Variants in DNAH8 observed in about 807,000 individuals in gnomAD.
DNAH8 encodes dynein axonemal heavy chain 8, also known as axonemal beta dynein heavy chain 8.
Under a neutral mutation model 562.1 loss-of-function variants are expected in DNAH8, and 382 were observed. The observed-to-expected ratio is 0.68, with a 90% CI of 0.63 to 0.74. The LOEUF (loss-of-function observed/expected upper bound fraction) is 0.74, where lower values mean the gene tolerates loss of function less well. Ranked by LOEUF, DNAH8 falls within the 30% of genes least tolerant of loss-of-function variation. The pLI, the probability that DNAH8 is intolerant of heterozygous loss-of-function variation, is 0.00. For synonymous variants in DNAH8, 1,881 were observed against 1,919.4 expected (o/e 0.98, Z 0.52); for missense variants, 5,203 against 5,620.4 (o/e 0.93, Z 2.37).
rs149398135 is a variant in DNAH8, at chr6:38,968,600, T to C, written c.12452-2992T>C. On this transcript the variant is annotated intron_variant, in intron 82 of 92. Transcript: ENST00000327475. ...CAATGAGATATTTCTTCATTCCCACTAAGATAGCTATAATCAAAGACAGGG... is the reference window on the plus strand; with the variant it reads ...CAATGAGATATTTCTTCATTCCCACCAAGATAGCTATAATCAAAGACAGGG... 6.8e-3 allele frequency among the ~76,000 whole-genome samples: 1,041 copies of C among 152,148 alleles called. 9 individuals are homozygous for C. The highest frequency in any genetic ancestry group is 0.022 in the African/African-American group (915 of 41,514).
At chr6:38,874,362 T>TCTTTC (rs1441265370) in intron 52 of DNAH8, among the ~76,000 whole-genome samples, 1 of 144,354 alleles carries the variant, frequency 6.9e-6, no homozygotes, top group Non-Finnish European at 1.5e-5. Flanking sequence ...TCCTTTCTTT[T>TCTTTC]CTTTCCTTTT....
At chr6:38,808,399 C>T (rs1463007156) in intron 24 of DNAH8, among the ~76,000 whole-genome samples, 1 of 152,180 alleles carries the variant, frequency 6.6e-6, no homozygotes, top group Non-Finnish European at 1.5e-5. Context: ...AATGGCATCT[C>T]ATCAGGATTT....
At chr6:38,832,706 C>T (rs1773945214) in intron 31 of DNAH8, among the ~76,000 whole-genome samples, 2 of 152,136 alleles carry the variant, frequency 1.3e-5, no homozygotes, top group Non-Finnish European at 2.9e-5. Context: ...TTAAAAATTG[C>T]AGAAAAATCT....
At chr6:38,726,851 GTTTTTTT>G (rs58557655) in intron 3 of DNAH8, among the ~76,000 whole-genome samples, 2 of 63,264 alleles carry the variant, frequency 3.2e-5, no homozygotes, top group African/African-American at 1.3e-4. Context: ...GTATTCTTTA[GTTTTTTT>G]TTTTTTTTTT....
intron 47 of DNAH8, 91 bp from the exon 48 acceptor site, chr6:38,867,971 A>G (rs944367720): frequency 7.8e-6 from 10 of 1,290,216 alleles, no homozygotes; most frequent in Non-Finnish European, 1.1e-5. Context: ...CCATATAAGT[A>G]TCAGAATCGA....
intron 85 of DNAH8, among the ~76,000 whole-genome samples, chr6:38,977,579 C>T (rs1367812047): frequency 3.9e-5 from 6 of 152,098 alleles, no homozygotes; most frequent in Non-Finnish European, 5.9e-5. Context: ...CTGTGCTTTC[C>T]TGGGTGGTGT....
At chr6:38,909,852 G>C in intron 65 of DNAH8, 108 bp downstream of exon 65, 1 of 896,982 alleles carries the variant, frequency 1.1e-6, no homozygotes. Flanking sequence ...TTGAGCACGA[G>C]CTGTATTTTT....
At chr6:38,915,468 AATTCT>A in intron 68 of DNAH8, 91 bp downstream of exon 68, 1 of 1,051,310 alleles carries the variant, frequency 9.5e-7, no homozygotes, top group Non-Finnish European at 1.3e-6. Context: ...AACTGAATTG[AATTCT>A]TAATGTGATT....
chr6:38,728,674 C>T (rs1452041327), intron 3 of DNAH8, among the ~76,000 whole-genome samples: 2 of 152,142 alleles, frequency 1.3e-5, no homozygotes, highest in East Asian at 1.9e-4. Flanking sequence ...GAACAAAGGG[C>T]TAGAGTTACG....
chr6:38,956,633 C>T lies in DNAH8; in HGVS notation c.12451+5113C>T, dbSNP rs1295724024. Among the ~76,000 whole-genome samples, 4 of 152,142 alleles carry T rather than the reference C, an allele frequency of 2.6e-5. 1 individual carries two copies. In the South Asian group the frequency reaches 8.3e-4, roughly 32 times the overall value. On this transcript the variant is annotated intron_variant, in intron 82 of 92. Coordinates refer to ENST00000327475, the MANE Select transcript of DNAH8 (RefSeq NM_001206927.2). ...TGGGACAGGCTTCTGGGCTTGTGTC[C>T]CTGACCAACTGTCTCACACAGTTCA...
intron 9 of DNAH8, among the ~76,000 whole-genome samples, chr6:38,751,719 A>G (rs1174492019): frequency 1.3e-5 from 2 of 152,134 alleles, no homozygotes; most frequent in African/African-American, 2.4e-5. Context: ...CTGGTATTTC[A>G]TAATATTTCA....
intron 79 of DNAH8, among the ~76,000 whole-genome samples, chr6:38,940,931 C>CTAAATCACA (rs55709431): frequency 6.6e-6 from 1 of 151,570 alleles, no homozygotes; most frequent in Non-Finnish European, 1.5e-5. Flanking sequence ...TCCTGGTCAC[C>CTAAATCACA]GGTTTAGGTG....
At chr6:38,745,455 C>A (rs929507968) in intron 8 of DNAH8, among the ~76,000 whole-genome samples, 1 of 152,176 alleles carries the variant, frequency 6.6e-6, no homozygotes, top group Admixed American at 6.5e-5. Context: ...CACTTGAAAT[C>A]ATTTTAGACT....
At chr6:38,804,366 T>G (rs1771061685) in intron 22 of DNAH8, among the ~76,000 whole-genome samples, 1 of 152,258 alleles carries the variant, frequency 6.6e-6, no homozygotes, top group Non-Finnish European at 1.5e-5. Context: ...ATATTTCATT[T>G]TAAAGTTTTG....
rs1398844654 is a variant in DNAH8 at position 38,863,883 on chromosome 6, G to A, written c.6321G>A (p.Gln2107=). Reference sequence around the variant, plus strand: ...TGTTTTTCATGCCAGGTCTTGCACAGTCGGGTTCCTGGGGCTGTTTTGATG... The same window carrying A: ...TGTTTTTCATGCCAGGTCTTGCACAATCGGGTTCCTGGGGCTGTTTTGATG... The part of the protein sequence containing the change: ...GLGRIFKGLA[Q]SGSWGCFDEF... The change falls in exon 45 of 93, where the codon CAG becomes CAA. Residue 2107 remains glutamine, a synonymous_variant. Coordinates refer to ENST00000327475, the MANE Select transcript of DNAH8 (RefSeq NM_001206927.2). 1 of 1,595,422 alleles carries A rather than the reference G, an allele frequency of 6.3e-7. No individual in the cohort carries two copies. The highest frequency in any genetic ancestry group is 8.5e-7 in the Non-Finnish European group (1 of 1,175,520).
intron 8 of DNAH8, among the ~76,000 whole-genome samples, chr6:38,748,415 C>T (rs1046172851): frequency 1.3e-5 from 2 of 152,036 alleles, no homozygotes; most frequent in Non-Finnish European, 2.9e-5. Context: ...TACTGATATC[C>T]CAACCTCTTT....
chr6:38,985,478 A>G (rs1005603983), intron 87 of DNAH8, among the ~76,000 whole-genome samples: 2 of 152,216 alleles, frequency 1.3e-5, no homozygotes, highest in African/African-American at 4.8e-5. Flanking sequence ...ACGGATTTTT[A>G]ACCTTTACTT....
rs941170619 is a variant in DNAH8, at chr6:38,753,525, C to T, written c.1408-2447C>T. 3.9e-5 allele frequency among the ~76,000 whole-genome samples: 6 copies of T among 152,220 alleles called. No homozygotes were observed. In the East Asian group the frequency reaches 5.8e-4, roughly 15 times the overall value. The stretch of plus-strand genomic sequence containing the variant: ...TGAAGTGAATATGGCACAACGTTCA[C>T]GTTTGTCAAATCTAATGATGGGAGT... On this transcript the variant is annotated intron_variant, in intron 9 of 92. Coordinates refer to ENST00000327475, the MANE Select transcript of DNAH8 (RefSeq NM_001206927.2).
At chr6:38,957,833 C>T (rs1762343090) in intron 82 of DNAH8, among the ~76,000 whole-genome samples, 1 of 137,392 alleles carries the variant, frequency 7.3e-6, no homozygotes, top group Non-Finnish European at 1.5e-5. Flanking sequence ...ACAAAAGCAC[C>T]TCTAAGAAGT....
Sources: gnomAD v4.1 joint callset for allele counts (sites outside exome capture counted in the v4.1 genomes callset) on GRCh38, gnomAD v4.1.1 for gene constraint, MANE v1.5 for transcripts, NCBI Gene and HGNC (gene_info 2026-07-23, HGNC 2026-07-21) for gene names.